FGF14: variants seen among roughly 807,000 people sequenced by gnomAD.
The protein encoded by FGF14 is fibroblast growth factor homologous factor 4.
A neutral mutation model predicts 25.5 loss-of-function variants in FGF14; 5 were observed. The ratio of observed to expected loss-of-function variants is 0.20; its 90% CI spans 0.10 to 0.41. The LOEUF (loss-of-function observed/expected upper bound fraction) is 0.41, where lower values mean the gene tolerates loss of function less well. Among genes scored for constraint, FGF14 ranks in the 10% least tolerant of loss-of-function variants. The probability of loss-of-function intolerance (pLI) is 1.00; values close to 1 mark genes in which losing one functional copy is unlikely to be tolerated. For missense variants in FGF14, 222 were observed against 320.1 expected (o/e 0.69, Z 2.34); for synonymous variants, 138 against 118.3 (o/e 1.17, Z -1.08).
intron 1 of FGF14, among the ~76,000 whole-genome samples, chr13:101,899,623 A>G (rs1048005610): frequency 6.6e-6 from 1 of 152,080 alleles, no homozygotes; most frequent in Non-Finnish European, 1.5e-5. Flanking sequence ...CATTATGATA[A>G]AGACCAAAGA....
At chr13:102,148,551 G>A (rs983645860) in intron 1 of FGF14, among the ~76,000 whole-genome samples, 9 of 152,200 alleles carry the variant, frequency 5.9e-5, no homozygotes, top group African/African-American at 2.2e-4. Flanking sequence ...GCTCACACCT[G>A]TAATGCCAGC....
At chr13:101,840,970 A>T (rs1454103469) in intron 3 of FGF14, among the ~76,000 whole-genome samples, 1 of 151,952 alleles carries the variant, frequency 6.6e-6, no homozygotes, top group Non-Finnish European at 1.5e-5. Context: ...CAAGTGTGGG[A>T]AATTTACAAT....
intron 1 of FGF14, among the ~76,000 whole-genome samples, chr13:102,193,842 T>C (rs2049226941): frequency 6.6e-6 from 1 of 152,120 alleles, no homozygotes; most frequent in Non-Finnish European, 1.5e-5. Flanking sequence ...AAAATCATGA[T>C]ACATGTAAAC....
At chr13:101,988,687 C>T (rs1350934269) in intron 1 of FGF14, among the ~76,000 whole-genome samples, 1 of 124,916 alleles carries the variant, frequency 8.0e-6, no homozygotes, top group African/African-American at 3.2e-5. Flanking sequence ...AGGGGAACAT[C>T]ACACACTGGG....
chr13:102,198,293 CGAA>C (rs1227513758), intron 1 of FGF14, among the ~76,000 whole-genome samples: 5 of 152,138 alleles, frequency 3.3e-5, no homozygotes, highest in Non-Finnish European at 7.3e-5. Flanking sequence ...AACTGGAAAA[CGAA>C]GTTAGACCAC....
chr13:102,079,601 G>A (rs2043522171), intron 1 of FGF14, among the ~76,000 whole-genome samples: 1 of 152,062 alleles, frequency 6.6e-6, no homozygotes, highest in Non-Finnish European at 1.5e-5. Context: ...TTTATTAAGT[G>A]TCTTTTATGC....
chr13:102,069,737 C>G (rs2140144306), intron 1 of FGF14, among the ~76,000 whole-genome samples: 1 of 152,288 alleles, frequency 6.6e-6, no homozygotes, highest in Admixed American at 6.5e-5. Context: ...AAGGAACAAA[C>G]TCCAGACGCG....
At chr13:101,897,267 A>G (rs956595410) in intron 1 of FGF14, among the ~76,000 whole-genome samples, 8 of 152,188 alleles carry the variant, frequency 5.3e-5, no homozygotes, top group Non-Finnish European at 8.8e-5. Context: ...AGTTAAGCAG[A>G]ATAGATAGAA....
chr13:102,353,713 A>T (rs1347504752), intron 1 of FGF14, among the ~76,000 whole-genome samples: 2 of 152,126 alleles, frequency 1.3e-5, no homozygotes, highest in African/African-American at 4.8e-5. Flanking sequence ...TGATTGCAAC[A>T]GTCTCTTCAT....
At chr13:102,080,443 G>A (rs927479697) in intron 1 of FGF14, among the ~76,000 whole-genome samples, 3 of 152,048 alleles carry the variant, frequency 2.0e-5, no homozygotes, top group African/African-American at 7.2e-5. Context: ...AGTCTGCTGG[G>A]GCCATCCTCA....
At chr13:102,214,657 A>C (rs1481333531) in intron 1 of FGF14, among the ~76,000 whole-genome samples, 1 of 152,170 alleles carries the variant, frequency 6.6e-6, no homozygotes, top group African/African-American at 2.4e-5. Flanking sequence ...TGTGTTGTTA[A>C]GTTCATTATG....
At chr13:102,338,842 C>T (rs954671093) in intron 1 of FGF14, among the ~76,000 whole-genome samples, 8 of 151,650 alleles carry the variant, frequency 5.3e-5, no homozygotes, top group African/African-American at 1.5e-4. Flanking sequence ...GGTGAAACCC[C>T]GTCTTTAAAA....
chr13:102,040,195 G>A (rs1343495490), intron 1 of FGF14, among the ~76,000 whole-genome samples: 2 of 152,050 alleles, frequency 1.3e-5, no homozygotes, highest in Admixed American at 1.3e-4. Flanking sequence ...TTGCTCCTCT[G>A]CTCCCTAGTG....
chr13:101,846,180 C>T (rs748007121), intron 3 of FGF14, among the ~76,000 whole-genome samples: 15 of 151,872 alleles, frequency 9.9e-5, no homozygotes, highest in African/African-American at 2.7e-4. Flanking sequence ...ATGAAATGAA[C>T]GGAGTTAAAC....
chr13:101,875,484 C>A (rs889821107), intron 1 of FGF14, among the ~76,000 whole-genome samples, 188 bp from the exon 2 acceptor site: 2 of 152,034 alleles, frequency 1.3e-5, no homozygotes, highest in African/African-American at 4.8e-5. Flanking sequence ...AAAGGAAATG[C>A]AGTAGTAAGC....
chr13:102,360,673 C>CAA (rs2057539697), intron 1 of FGF14, among the ~76,000 whole-genome samples: 1 of 152,092 alleles, frequency 6.6e-6, no homozygotes, highest in South Asian at 2.1e-4. Flanking sequence ...GAGAAGAATA[C>CAA]AAACACCTTT....
Position 101,714,911 on chromosome 13 carries a change from C to T in FGF14, c.*7920G>A, listed in dbSNP as rs2034643987. 1 of 220,356 alleles carries T rather than the reference C, an allele frequency of 4.5e-6. No homozygotes were observed. The allele number at this position is 220,356 out of a possible 1,614,324, so 13.7% of individuals were successfully genotyped here. ...ATAGGGAATGAAATATTCTTTTAAA[C>T]AGAATCTGGGTACCACTAGTTGATG... On this transcript the variant is annotated 3_prime_UTR_variant, in exon 5 of 5. Coordinates refer to ENST00000376143, the MANE Select transcript of FGF14 (RefSeq NM_004115.4).
intron 1 of FGF14, among the ~76,000 whole-genome samples, chr13:102,287,277 T>C (rs903887292): frequency 6.6e-6 from 1 of 152,226 alleles, no homozygotes; most frequent in Non-Finnish European, 1.5e-5. Flanking sequence ...ACAGCATGCT[T>C]GCATGTACTG....
intron 4 of FGF14, among the ~76,000 whole-genome samples, chr13:101,723,394 TC>T (rs1217144648): frequency 6.6e-6 from 1 of 152,066 alleles, no homozygotes; most frequent in Non-Finnish European, 1.5e-5. Context: ...TTCACTTCAA[TC>T]AATCTTTGTG....
Sources: gnomAD v4.1 joint callset for allele counts (sites outside exome capture counted in the v4.1 genomes callset) on GRCh38, gnomAD v4.1.1 for gene constraint, MANE v1.5 for transcripts, NCBI Gene and HGNC (gene_info 2026-07-23, HGNC 2026-07-21) for gene names.